The following SH3GL3 variants were observed in gnomAD, a reference collection of about 807,000 sequenced individuals.
SH3GL3 encodes SH3 domain containing GRB2 like 3, endophilin A3.
Under a neutral mutation model 47.7 loss-of-function variants are expected in SH3GL3, and 33 were observed. The observed-to-expected ratio is 0.69, with a 90% CI of 0.52 to 0.92. The LOEUF is 0.92. Ranked by LOEUF, SH3GL3 falls within the 40% of genes least tolerant of loss-of-function variation. SH3GL3 has a pLI of 0.00. For synonymous variants in SH3GL3, 155 were observed against 148.8 expected (o/e 1.04, Z -0.30); for missense variants, 363 against 417.8 (o/e 0.87, Z 1.14).
intron 6 of SH3GL3, among the ~76,000 whole-genome samples, chr15:83,586,466 C>T (rs903983025): frequency 6.6e-6 from 1 of 152,132 alleles, no homozygotes; most frequent in African/African-American, 2.4e-5. Flanking sequence ...ATAGAGGGGA[C>T]AGGGAAATCT....
chr15:83,497,511 C>G (rs898432911), intron 1 of SH3GL3, among the ~76,000 whole-genome samples: 2 of 152,106 alleles, frequency 1.3e-5, no homozygotes, highest in African/African-American at 4.8e-5. Flanking sequence ...ATTTTTTTGT[C>G]TCTTATCTTT....
At chr15:83,610,407 C>G (rs975883250) in intron 8 of SH3GL3, among the ~76,000 whole-genome samples, 3 of 152,120 alleles carry the variant, frequency 2.0e-5, no homozygotes, top group African/African-American at 7.2e-5. Flanking sequence ...CATGATGGTG[C>G]CTGTAGTCCC....
chr15:83,539,584 A>T (rs985143359), intron 1 of SH3GL3, among the ~76,000 whole-genome samples: 1 of 152,076 alleles, frequency 6.6e-6, no homozygotes, highest in Non-Finnish European at 1.5e-5. Context: ...AAAATATTGA[A>T]TCTATTTGCC....
chr15:83,585,199 GTGCTGCCAT>G, intron 6 of SH3GL3, among the ~76,000 whole-genome samples: 1 of 152,166 alleles, frequency 6.6e-6, no homozygotes, highest in South Asian at 2.1e-4. Context: ...GCATTGGGCA[GTGCTGCCAT>G]TGTTTCCCAA....
At chr15:83,463,843 A>G (rs929164369) in intron 1 of SH3GL3, among the ~76,000 whole-genome samples, 14 of 141,282 alleles carry the variant, frequency 9.9e-5, no homozygotes, top group African/African-American at 3.2e-4. Context: ...ATATTGGCTC[A>G]CTGCAACCTC....
intron 1 of SH3GL3, among the ~76,000 whole-genome samples, chr15:83,524,194 G>C (rs572943310): frequency 2.4e-4 from 37 of 152,162 alleles, no homozygotes; most frequent in Non-Finnish European, 4.7e-4. Flanking sequence ...GGTGTTGGTT[G>C]AATCAGCCTT....
intron 1 of SH3GL3, among the ~76,000 whole-genome samples, chr15:83,476,755 A>T (rs2041117336): frequency 6.6e-6 from 1 of 152,260 alleles, no homozygotes; most frequent in Admixed American, 6.5e-5. Flanking sequence ...TAGTTGTAAC[A>T]AGAGACTGCA....
At chr15:83,554,447 A>G (rs988939594) in intron 1 of SH3GL3, among the ~76,000 whole-genome samples, 3 of 152,068 alleles carry the variant, frequency 2.0e-5, no homozygotes, top group Non-Finnish European at 4.4e-5. Context: ...CGGCCTCCCA[A>G]ACTGTTGGGA....
intron 1 of SH3GL3, among the ~76,000 whole-genome samples, chr15:83,555,689 T>C (rs2044916319): frequency 6.6e-6 from 1 of 152,178 alleles, no homozygotes; most frequent in Non-Finnish European, 1.5e-5. Context: ...TCTGAATTTT[T>C]TTTCCCAGCC....
At chr15:83,613,053 A>C (rs11852824) in intron 8 of SH3GL3, among the ~76,000 whole-genome samples, 1 of 152,274 alleles carries the variant, frequency 6.6e-6, no homozygotes, top group South Asian at 2.1e-4. Flanking sequence ...CCTTGGGTTG[A>C]GGGCCCCAGG....
chr15:83,608,386 T>G (rs1029150918), intron 8 of SH3GL3, among the ~76,000 whole-genome samples: 1 of 152,142 alleles, frequency 6.6e-6, no homozygotes, highest in African/African-American at 2.4e-5. Context: ...TTCTGTCCAG[T>G]GCGCTCTTAC....
chr15:83,470,098 T>A (rs2040763179), intron 1 of SH3GL3, among the ~76,000 whole-genome samples: 1 of 152,218 alleles, frequency 6.6e-6, no homozygotes, highest in African/African-American at 2.4e-5. Flanking sequence ...GAAGTCTACT[T>A]TATCTGATAT....
Position 83,456,321 on chromosome 15 carries a change from C to G in SH3GL3, c.45+8743C>G, listed in dbSNP as rs1421664170. ...ACAGAGGCAGGCAGGCCTCCTTGAG[C>G]TGTGGTGGGCTCCACCCAGTTCGAG... On this transcript the variant is annotated intron_variant, in intron 1 of 8. Coordinates refer to ENST00000427482, the MANE Select transcript of SH3GL3 (RefSeq NM_003027.5). Among the ~76,000 whole-genome samples, 3 of 24,820 alleles carry G rather than the reference C, an allele frequency of 1.2e-4. 1 individual carries two copies. Among genetic ancestry groups the G allele is most frequent in the Non-Finnish European group, 2.4e-4 (3 of 12,330 alleles). 16.3% of individuals were successfully genotyped at this position (24,820 alleles called of 152,430 possible).
intron 1 of SH3GL3, among the ~76,000 whole-genome samples, chr15:83,513,870 G>T (rs2042874849): frequency 6.6e-6 from 1 of 152,152 alleles, no homozygotes; most frequent in Non-Finnish European, 1.5e-5. Context: ...ATGCTTATGG[G>T]ATATACACAA....
chr15:83,576,921 ATT>A (rs71156087), intron 6 of SH3GL3, among the ~76,000 whole-genome samples, 180 bp downstream of exon 6: 2 of 86,562 alleles, frequency 2.3e-5, no homozygotes, highest in Non-Finnish European at 2.2e-5. Flanking sequence ...AAAAATCATA[ATT>A]TTTTTTTTTT....
intron 1 of SH3GL3, among the ~76,000 whole-genome samples, chr15:83,493,615 C>G (rs1015595425): frequency 6.6e-6 from 1 of 152,160 alleles, no homozygotes; most frequent in African/African-American, 2.4e-5. Context: ...TTGGCATCAC[C>G]CAGACCTGCT....
At chr15:83,514,259 T>G (rs2042889328) in intron 1 of SH3GL3, among the ~76,000 whole-genome samples, 1 of 152,172 alleles carries the variant, frequency 6.6e-6, no homozygotes. Flanking sequence ...CTTGAAAAAC[T>G]TTTCCCACTG....
chr15:83,477,208 G>A (rs1271266641), intron 1 of SH3GL3, among the ~76,000 whole-genome samples: 4 of 152,156 alleles, frequency 2.6e-5, no homozygotes, highest in African/African-American at 9.7e-5. Context: ...AGGTTGTCTG[G>A]CATTTTGCTG....
chr15:83,564,180 A>G (rs564111696), intron 2 of SH3GL3, among the ~76,000 whole-genome samples: 22 of 152,100 alleles, frequency 1.4e-4, no homozygotes, highest in Non-Finnish European at 2.8e-4. Flanking sequence ...TTAGGTTGAT[A>G]TTTTTAATCA....
Sources: gnomAD v4.1 joint callset for allele counts (sites outside exome capture counted in the v4.1 genomes callset) on GRCh38, gnomAD v4.1.1 for gene constraint, MANE v1.5 for transcripts, NCBI Gene and HGNC (gene_info 2026-07-23, HGNC 2026-07-21) for gene names.